DCAF17: variants seen among roughly 807,000 people sequenced by gnomAD.
The protein encoded by DCAF17 is DDB1- and CUL4-associated factor 17.
In DCAF17, 48 loss-of-function variants were observed where a neutral mutation model predicts 66.0. The observed-to-expected ratio is 0.73, with a 90% CI of 0.58 to 0.92. The LOEUF is 0.92. DCAF17 is among the 40% of genes least tolerant of loss of function. DCAF17 has a pLI of 0.00. For synonymous variants in DCAF17, 206 were observed against 214.6 expected (o/e 0.96, Z 0.35); for missense variants, 562 against 622.8 (o/e 0.90, Z 1.04).
chr2:171,434,702 A>G lies in DCAF17; in HGVS notation c.125A>G (p.Gln42Arg), dbSNP rs1693702875. ...GGCATCCTGCGGGCGCTGGTGTGCCAGGTGACCGCCAGCCGGCCGGGGCGG... is the reference window on the plus strand; with the variant it reads ...GGCATCCTGCGGGCGCTGGTGTGCCGGGTGACCGCCAGCCGGCCGGGGCGG... ...NLGILRALVC[Q>R]ESTKFKNVWT... Residue 42 changes from glutamine to arginine, a missense_variant and splice_region_variant, in exon 1 of 14, where the codon CAG (glutamine) becomes CGG (arginine). Around this residue, in one of 3 missense-constraint regions of DCAF17, gnomAD observed 348 missense variants for 355.9 expected, o/e 0.98. Transcript: ENST00000375255. 2.7e-6 allele frequency: 4 copies of G among 1,474,940 alleles called. No individual in the cohort carries two copies. Among genetic ancestry groups the G allele is most frequent in the East Asian group, 2.8e-5 (1 of 36,158 alleles). 91.4% of individuals were successfully genotyped at this position (1,474,940 alleles called of 1,614,324 possible).
Position 171,468,958 on chromosome 2 carries a change from C to T in DCAF17, c.909C>T (p.His303=). The change falls in exon 9 of 14, where the codon CAC becomes CAT. Residue 303 remains histidine, a synonymous_variant. Transcript: ENST00000375255. ...NAFQIGGHPW[H]YIVTPNKKKQ... is the part of the protein sequence containing the mutation. ...TTCAGATTGGAGGCCATCCTTGGCA[C>T]TACATCGTCACACCTAATAAGAAGA... 1.2e-6 allele frequency: 2 copies of T among 1,614,082 alleles called. No individual in the cohort carries two copies. Among genetic ancestry groups the T allele is most frequent in the Non-Finnish European group, 1.7e-6 (2 of 1,179,978 alleles).
At chr2:171,468,107 C>G (rs16859394) in intron 8 of DCAF17, among the ~76,000 whole-genome samples, 6,015 of 152,040 alleles carry the variant, frequency 0.04, 393 homozygotes, top group African/African-American at 0.13. Flanking sequence ...GCTATACCTT[C>G]TATTTATGCA....
At chr2:171,466,060 T>C (rs906281206) in intron 8 of DCAF17, among the ~76,000 whole-genome samples, 5 of 152,198 alleles carry the variant, frequency 3.3e-5, no homozygotes, top group Non-Finnish European at 5.9e-5. Flanking sequence ...GGTGAGGTTT[T>C]GCCATGTTGC....
At chr2:171,458,239 G>A in intron 7 of DCAF17, 133 bp from the exon 8 acceptor site, 1 of 1,024,230 alleles carries the variant, frequency 9.8e-7, no homozygotes, top group Non-Finnish European at 1.5e-6. Flanking sequence ...AGCAGGGGTG[G>A]GGAAGATAAA....
At chr2:171,459,695 A>G (rs1306371003) in intron 8 of DCAF17, among the ~76,000 whole-genome samples, 3 of 152,232 alleles carry the variant, frequency 2.0e-5, no homozygotes, top group Non-Finnish European at 4.4e-5. Flanking sequence ...ACAGAAATGA[A>G]TGATGTCATT....
intron 5 of DCAF17, among the ~76,000 whole-genome samples, chr2:171,452,828 T>C (rs1428401811): frequency 1.3e-5 from 2 of 152,192 alleles, no homozygotes; most frequent in African/African-American, 4.8e-5. Context: ...TTGTTCAAAC[T>C]CCAATTCAAA....
Position 171,483,671 on chromosome 2 carries a change from T to C in DCAF17, c.*2557T>C, listed in dbSNP as rs978387949. 1 of 453,844 alleles carries C rather than the reference T, an allele frequency of 2.2e-6. No individual in the cohort carries two copies. Among genetic ancestry groups the C allele is most frequent in the Non-Finnish European group, 4.4e-6 (1 of 226,786 alleles). 28.1% of individuals were successfully genotyped at this position (453,844 alleles called of 1,614,324 possible). A position where few individuals can be genotyped will look rare whatever the true frequency, so the allele number is the denominator to read the frequency against. On this transcript the variant is annotated 3_prime_UTR_variant, in exon 14 of 14. Coordinates refer to ENST00000375255, the MANE Select transcript of DCAF17 (RefSeq NM_025000.4). ...GTTCTTTTTTTAAATAATATATTTA[T>C]TGAGCACTTTCTATCTACTAGTCAC... is the stretch of plus-strand genomic sequence containing the variant.
At position 171,484,128 on chromosome 2, in the gene DCAF17, G is replaced by T. The variant is rs760915283; in HGVS notation, c.*3014G>T. 6.6e-6 allele frequency: 3 copies of T among 452,608 alleles called. No homozygotes were observed. Among genetic ancestry groups the T allele is most frequent in the Non-Finnish European group, 1.3e-5 (3 of 226,440 alleles). The allele number at this position is 452,608 out of a possible 1,614,324, so 28.0% of individuals were successfully genotyped here. ...ATTAAAAGGTACTTTCCCTTTGTTTGTGGTGATAATCAGTATTAGTAGTTT... is the reference window on the plus strand; with the variant it reads ...ATTAAAAGGTACTTTCCCTTTGTTTTTGGTGATAATCAGTATTAGTAGTTT... On this transcript the variant is annotated 3_prime_UTR_variant, in exon 14 of 14. Transcript: ENST00000375255.
rs758911517 is a variant in DCAF17, at chr2:171,481,853, A to G, written c.*739A>G. ...ATCCTGTTTAGCTCTTAATGTATCT[A>G]AGGATGTTCTCATCTCACCATTCTA... is the stretch of plus-strand genomic sequence containing the variant. On this transcript the variant is annotated 3_prime_UTR_variant, in exon 14 of 14. Coordinates refer to ENST00000375255, the MANE Select transcript of DCAF17 (RefSeq NM_025000.4). 2.2e-6 allele frequency: 1 copy of G among 454,026 alleles called. No individual in the cohort carries two copies. The highest frequency in any genetic ancestry group is 4.4e-6 in the Non-Finnish European group (1 of 226,734). The allele number at this position is 454,026 out of a possible 1,614,324, so 28.1% of individuals were successfully genotyped here. A position where few individuals can be genotyped will look rare whatever the true frequency, so the allele number is the denominator to read the frequency against.
At chr2:171,445,721 T>G (rs1382636065) in intron 3 of DCAF17, among the ~76,000 whole-genome samples, 1 of 152,198 alleles carries the variant, frequency 6.6e-6, no homozygotes, top group Non-Finnish European at 1.5e-5. Context: ...CTCACTCTGT[T>G]GCCTAAGCTG....
Position 171,455,719 on chromosome 2 carries a change from A to AAT in DCAF17, c.628-2251_628-2250dup, listed in dbSNP as rs551578164. ...ATAATATCCATTCTGACTGGTGTGA[A>AAT]ATGGTACCTCATTGTGGTTTTGATT... On this transcript the variant is annotated intron_variant, in intron 6 of 13. Coordinates refer to ENST00000375255, the MANE Select transcript of DCAF17 (RefSeq NM_025000.4). 6.6e-4 allele frequency among the ~76,000 whole-genome samples: 101 copies of AAT among 152,190 alleles called. 1 individual carries two copies. The highest frequency in any genetic ancestry group is 2.1e-3 in the Admixed American group (32 of 15,278).
At position 171,449,895 on chromosome 2, in the gene DCAF17, A is replaced by T; in HGVS notation, c.475A>T (p.Thr159Ser). ...TTTTAAAAGATACTTGAGCTGGGAC[A>T]CTCCTCAAGAAGTCATTGCAGTTAA... is the stretch of plus-strand genomic sequence containing the variant. ...YCKFRYLSWD[T>S]PQEVIAVKSA... The change falls in exon 5 of 14, where the codon ACT becomes TCT. Residue 159 changes from threonine to serine, a missense_variant. Transcript: ENST00000375255. 6.2e-7 allele frequency: 1 copy of T among 1,613,624 alleles called. No individual in the cohort carries two copies. Among genetic ancestry groups the T allele is most frequent in the Non-Finnish European group, 8.5e-7 (1 of 1,179,668 alleles).
At chr2:171,452,461 ATATT>A (rs959036906) in intron 5 of DCAF17, among the ~76,000 whole-genome samples, 2 of 151,948 alleles carry the variant, frequency 1.3e-5, no homozygotes, top group Non-Finnish European at 2.9e-5. Context: ...CTTTCATTAT[ATATT>A]TATTTATTTA....
rs777850235 is a variant in DCAF17 at position 171,476,930 on chromosome 2, G to A, written c.1162G>A (p.Ala388Thr). 1.1e-5 allele frequency: 18 copies of A among 1,613,090 alleles called. No homozygotes were observed. In the African/African-American group the frequency reaches 2.3e-4, roughly 20 times the overall value. Residue 388 changes from alanine to threonine, a missense_variant, in exon 11 of 14, where the codon GCC (alanine) becomes ACC (threonine). Around this residue, in one of 3 missense-constraint regions of DCAF17, gnomAD observed 201 missense variants for 231.1 expected, o/e 0.87. Transcript: ENST00000375255. ...GATCTCTGAAGATTTTGTCATTTTGGCCAACAGGGAGAACCATAAAGTAAG... is the reference window on the plus strand; with the variant it reads ...GATCTCTGAAGATTTTGTCATTTTGACCAACAGGGAGAACCATAAAGTAAG... Reference protein sequence around the residue: ...HQISEDFVILANRENHKNENV... With the variant: ...HQISEDFVILTNRENHKNENV...
chr2:171,448,706 A>C lies in DCAF17; in HGVS notation c.347A>C (p.Asp116Ala). 1.2e-6 allele frequency: 2 copies of C among 1,610,284 alleles called. No homozygotes were observed. Among genetic ancestry groups the C allele is most frequent in the South Asian group, 2.2e-5 (2 of 89,940 alleles). The change falls in exon 4 of 14, where the codon GAT (aspartate) becomes GCT (alanine). Residue 116 changes from aspartate (D) to alanine (A), a missense_variant. Asp to Ala is a moderately radical substitution (Grantham distance 126, BLOSUM62 -2). This residue lies in a region of DCAF17 where 348 missense variants were observed against 355.9 expected (regional missense o/e 0.98). Transcript: ENST00000375255. ...GGAGATATACTTCCCAATTCATCAG[A>C]TTATAAGTCCTCACTCATAGCACTG... ...PVGDILPNSS[D>A]YKSSLIALTA...
chr2:171,478,074 T>C lies in DCAF17; in HGVS notation c.1266+4T>C, dbSNP rs1696579172. 3.1e-6 allele frequency: 5 copies of C among 1,612,794 alleles called. No individual in the cohort carries two copies. The highest frequency in any genetic ancestry group is 4.2e-6 in the Non-Finnish European group (5 of 1,178,898). ...GGATGATGACCCAGAACAAGAGGTA[T>C]TGCTTTGGCCAGAGATGACAAACCA... On this transcript the variant is annotated splice_donor_region_variant and intron_variant, in intron 12 of 13. Transcript: ENST00000375255.
rs572828426 is a variant in DCAF17 at position 171,478,347 on chromosome 2, GT to G, written c.1266+281del. 5.3e-5 allele frequency among the ~76,000 whole-genome samples: 8 copies of G among 152,136 alleles called. 1 individual carries two copies. The East Asian group carries it at 1.5e-3, about 29-fold the overall frequency. On this transcript the variant is annotated intron_variant, in intron 12 of 13. Coordinates refer to ENST00000375255, the MANE Select transcript of DCAF17 (RefSeq NM_025000.4). ...TTATTGTTTTGTTTTATTTTGTATT[GT>G]TTTGTTTTGTTGATGTGTATATTTT... is the stretch of plus-strand genomic sequence containing the variant.
chr2:171,458,505 C>T (rs1405355014), intron 8 of DCAF17, 28 bp downstream of exon 8: 2 of 1,538,790 alleles, frequency 1.3e-6, no homozygotes, highest in Non-Finnish European at 1.8e-6. Context: ...TATTTTTTCA[C>T]CTTAAAAAAA....
intron 13 of DCAF17, 129 bp from the exon 14 acceptor site, chr2:171,480,845 C>T (rs1255509681): frequency 8.5e-7 from 1 of 1,181,526 alleles, no homozygotes; most frequent in Non-Finnish European, 1.2e-6. Context: ...AAATAAACCT[C>T]TTTCTAGCAA....
Sources: gnomAD v4.1 joint callset for allele counts (sites outside exome capture counted in the v4.1 genomes callset) on GRCh38, gnomAD v4.1.1 for gene constraint, gnomAD v4.1.1 regional missense constraint, MANE v1.5 for transcripts, NCBI Gene and HGNC (gene_info 2026-07-23, HGNC 2026-07-21) for gene names.